BMPER: variants seen among roughly 807,000 people sequenced by gnomAD.
BMPER encodes the protein BMP-binding endothelial regulator protein.
Under a neutral mutation model 87.3 loss-of-function variants are expected in BMPER, and 45 were observed. The observed-to-expected ratio is 0.52, with a 90% CI of 0.41 to 0.66. BMPER has a LOEUF of 0.66. Ranked by LOEUF, BMPER falls within the 30% of genes least tolerant of loss-of-function variation. The pLI, the probability that BMPER is intolerant of heterozygous loss-of-function variation, is 0.00. For synonymous variants in BMPER, 326 were observed against 316.2 expected (o/e 1.03, Z -0.33); for missense variants, 784 against 867.5 (o/e 0.90, Z 1.21).
At chr7:34,041,952 C>T (rs1291549282) in intron 6 of BMPER, among the ~76,000 whole-genome samples, 1 of 152,176 alleles carries the variant, frequency 6.6e-6, no homozygotes, top group Non-Finnish European at 1.5e-5. Flanking sequence ...ATGAGTGCCA[C>T]ATCACACGCT....
At chr7:34,129,942 G>A (rs1383601656) in intron 13 of BMPER, among the ~76,000 whole-genome samples, 3 of 152,090 alleles carry the variant, frequency 2.0e-5, no homozygotes, top group African/African-American at 7.2e-5. Context: ...TCCCTATGTT[G>A]TCGTATATGA....
chr7:34,072,412 T>C (rs777713630), intron 11 of BMPER, among the ~76,000 whole-genome samples: 3 of 151,900 alleles, frequency 2.0e-5, no homozygotes, highest in Non-Finnish European at 4.4e-5. Flanking sequence ...GTGTTTCTTC[T>C]GAATGCCCTA....
At chr7:33,981,385 C>T (rs1785854439) in intron 6 of BMPER, among the ~76,000 whole-genome samples, 1 of 152,196 alleles carries the variant, frequency 6.6e-6, no homozygotes, top group Non-Finnish European at 1.5e-5. Flanking sequence ...TAGACAGTCT[C>T]CGCCCACTCA....
chr7:33,998,434 A>C (rs1172504018), intron 6 of BMPER, among the ~76,000 whole-genome samples: 1 of 152,016 alleles, frequency 6.6e-6, no homozygotes, highest in Non-Finnish European at 1.5e-5. Flanking sequence ...TTAAATTGTG[A>C]CTTGTTGGAA....
intron 13 of BMPER, among the ~76,000 whole-genome samples, chr7:34,132,955 G>A (rs1325354621): frequency 6.6e-6 from 1 of 151,644 alleles, no homozygotes; most frequent in Non-Finnish European, 1.5e-5. Flanking sequence ...AACTGTGTAG[G>A]TAAGGGCACT....
Position 34,153,204 on chromosome 7 carries a change from C to T in BMPER, c.1989C>T (p.Cys663=). The T allele has an allele frequency of 6.2e-7, 1 of 1,614,058 alleles. No homozygotes were observed. Among genetic ancestry groups the T allele is most frequent in the Middle Eastern group, 1.6e-4 (1 of 6,062 alleles). Reference sequence around the variant, plus strand: ...GCAACAAGCCGTGCGTTGCTGGGTGCCACTGTCCAGCAAACTTGGTCCTTC... The same window carrying T: ...GCAACAAGCCGTGCGTTGCTGGGTGTCACTGTCCAGCAAACTTGGTCCTTC... The part of the protein sequence containing the change: ...GPCNKPCVAG[C]HCPANLVLHK... Residue 663 remains cysteine (C), a synonymous_variant, in exon 15 of 15, where the codon TGC becomes TGT. Transcript: ENST00000649409.
intron 6 of BMPER, among the ~76,000 whole-genome samples, chr7:34,024,384 A>ATATAT (rs1787293391): frequency 2.1e-4 from 5 of 23,432 alleles, no homozygotes; most frequent in African/African-American, 8.4e-4. Context: ...AAAAAAAAAC[A>ATATAT]ATATATATAT....
chr7:34,007,508 G>GCATGCT (rs1174683372), intron 6 of BMPER, among the ~76,000 whole-genome samples: 1 of 151,882 alleles, frequency 6.6e-6, no homozygotes, highest in Non-Finnish European at 1.5e-5. Context: ...ACAGCCATAA[G>GCATGCT]CATGCTCATT....
chr7:33,931,710 C>T (rs1257922197), intron 2 of BMPER, among the ~76,000 whole-genome samples: 1 of 152,208 alleles, frequency 6.6e-6, no homozygotes, highest in Non-Finnish European at 1.5e-5. Flanking sequence ...TCAGCTTCCC[C>T]TGCTTCCTCC....
At chr7:33,988,755 TCCCTCCC>T in intron 6 of BMPER, among the ~76,000 whole-genome samples, 1 of 104,456 alleles carries the variant, frequency 9.6e-6, no homozygotes, top group Middle Eastern at 5.0e-3. Flanking sequence ...CCCGATGCTA[TCCCTCCC>T]CCCTCCCCCC....
At chr7:34,046,541 T>C in intron 7 of BMPER, 136 bp downstream of exon 7, 1 of 895,460 alleles carries the variant, frequency 1.1e-6, no homozygotes, top group Non-Finnish European at 1.8e-6. Context: ...CTCCCTCTTC[T>C]AATTACAGAA....
chr7:34,124,146 G>A (rs985809037), intron 13 of BMPER, among the ~76,000 whole-genome samples: 1 of 151,990 alleles, frequency 6.6e-6, no homozygotes, highest in Non-Finnish European at 1.5e-5. Flanking sequence ...TCATTGTCTT[G>A]GTGTAGCTCA....
At chr7:34,152,462 A>G (rs765212082) in intron 14 of BMPER, among the ~76,000 whole-genome samples, 1 of 152,204 alleles carries the variant, frequency 6.6e-6, no homozygotes, top group African/African-American at 2.4e-5. Context: ...GTCAATAAAG[A>G]TAGTAAATTG....
chr7:33,959,495 G>A (rs1208677272), intron 3 of BMPER, among the ~76,000 whole-genome samples: 1 of 152,126 alleles, frequency 6.6e-6, no homozygotes, highest in African/African-American at 2.4e-5. Flanking sequence ...GGCAATGAGA[G>A]CTGACTGCTT....
At chr7:33,910,145 G>T (rs1277721815) in intron 2 of BMPER, among the ~76,000 whole-genome samples, 1 of 152,176 alleles carries the variant, frequency 6.6e-6, no homozygotes, top group Admixed American at 6.5e-5. Context: ...GTAGGCAGTT[G>T]AGATTAAACT....
chr7:34,083,812 A>G (rs1271572562), intron 12 of BMPER, among the ~76,000 whole-genome samples: 1 of 149,792 alleles, frequency 6.7e-6, no homozygotes, highest in African/African-American at 2.5e-5. Context: ...TCCCTCCCAC[A>G]CTCCCTCCCA....
rs1239638007 is a variant in BMPER, at chr7:33,989,274, C to T, written c.576+14490C>T. ...CTGTTTCTCCACATCCTCTCCAGCA[C>T]CTGTTGTTTCCTGACTTTTTAATGA... is the stretch of plus-strand genomic sequence containing the variant. On this transcript the variant is annotated intron_variant, in intron 6 of 14. Transcript: ENST00000649409. Among the ~76,000 whole-genome samples, 3 of 147,668 alleles carry T rather than the reference C, an allele frequency of 2.0e-5. No homozygotes were observed. In the East Asian group the frequency reaches 6.0e-4, roughly 29 times the overall value.
At chr7:34,112,496 GAAAAAAAAAAA>G (rs35506917) in intron 13 of BMPER, among the ~76,000 whole-genome samples, 6 of 18,816 alleles carry the variant, frequency 3.2e-4, no homozygotes, top group Middle Eastern at 0.029. Context: ...CTCCGTCTCA[GAAAAAAAAAAA>G]AAAAAAAAAA....
At chr7:34,005,561 C>T (rs1786705466) in intron 6 of BMPER, among the ~76,000 whole-genome samples, 1 of 151,976 alleles carries the variant, frequency 6.6e-6, no homozygotes, top group South Asian at 2.1e-4. Context: ...AACCCTTCTG[C>T]CTCAGCCTCC....
Sources: gnomAD v4.1 joint callset for allele counts (sites outside exome capture counted in the v4.1 genomes callset) on GRCh38, gnomAD v4.1.1 for gene constraint, MANE v1.5 for transcripts, NCBI Gene and HGNC (gene_info 2026-07-23, HGNC 2026-07-21) for gene names.